Variants in ZNF879 observed in about 807,000 individuals in gnomAD.
ZNF879 encodes zinc finger protein 879.
A neutral mutation model predicts 44.3 loss-of-function variants in ZNF879; 32 were observed. The observed-to-expected ratio is 0.72, with a 90% CI of 0.54 to 0.97. ZNF879 has a LOEUF of 0.97. ZNF879 is among the 50% of genes least tolerant of loss of function. ZNF879 has a pLI of 0.00. For synonymous variants in ZNF879, 234 were observed against 233.2 expected, an observed-to-expected ratio of 1.00 and a Z score of -0.03; for missense variants, 621 against 669.7, an observed-to-expected ratio of 0.93 and a Z score of 0.80.
chr5:179,027,654 CAG>C lies in ZNF879; in HGVS notation c.160+56_160+57del, dbSNP rs373674106. 1,959 of 1,589,004 alleles carry C rather than the reference CAG, an allele frequency of 1.2e-3. 2 individuals are homozygous for C. Among genetic ancestry groups the C allele is most frequent in the Admixed American group, 1.5e-3 (85 of 56,630 alleles). On this transcript the variant is annotated intron_variant, in intron 3 of 4. Coordinates refer to ENST00000444149, the MANE Select transcript of ZNF879 (RefSeq NM_001136116.3). ...TGCCAGGAGAGCACCTTAGCACCCT[CAG>C]GGGGCACATTTGGAGGGCTTGGCCA...
intron 2 of ZNF879, among the ~76,000 whole-genome samples, chr5:179,027,202 C>T (rs1274403998): frequency 4.6e-5 from 7 of 152,114 alleles, no homozygotes; most frequent in Non-Finnish European, 1.0e-4. Context: ...TCTAGGTGAT[C>T]GGACGTTTCC....
chr5:179,027,478 C>T lies in ZNF879; in HGVS notation c.39C>T (p.Ser13=), dbSNP rs377574787. The T allele has an allele frequency of 4.1e-5, 66 of 1,613,922 alleles. No homozygotes were observed. The highest frequency in any genetic ancestry group is 1.6e-4 in the Middle Eastern group (1 of 6,062). The change falls in exon 3 of 5, where the codon TCC becomes TCT. Residue 13 remains serine (S), a synonymous_variant. Coordinates refer to ENST00000444149, the MANE Select transcript of ZNF879 (RefSeq NM_001136116.3). ...GAGTGGGTTTGCCATTCCAGGAGTC[C>T]GTGACGTTCAGGGATGTGGCCGTGT... ...RRLLPAHVQE[S]VTFRDVAVFF...
chr5:179,024,942 G>C (rs1761222670), intron 1 of ZNF879, 28 bp from the exon 2 acceptor site: 9 of 1,530,364 alleles, frequency 5.9e-6, no homozygotes, highest in Non-Finnish European at 8.0e-6. Context: ...TGGATGAAAA[G>C]ACCTCACAGC....
chr5:179,024,739 G>C (rs948723684), intron 1 of ZNF879: 1 of 501,292 alleles, frequency 2.0e-6, no homozygotes, highest in Non-Finnish European at 3.6e-6. Context: ...TCATCCCTTC[G>C]CTCCTTTCGT....
intron 2 of ZNF879, among the ~76,000 whole-genome samples, chr5:179,027,159 C>T (rs1013804388): frequency 2.6e-5 from 4 of 152,216 alleles, no homozygotes; most frequent in African/African-American, 9.6e-5. Flanking sequence ...CGAAACCTGA[C>T]TGTCAGGTGT....
rs760556291 is a variant in ZNF879 at position 179,034,828 on chromosome 5, G to A, written c.*1188G>A. 6.6e-6 allele frequency: 1 copy of A among 152,176 alleles called. No homozygotes were observed. The highest frequency in any genetic ancestry group is 2.4e-5 in the African/African-American group (1 of 41,448). The allele number at this position is 152,176 out of a possible 1,614,324, so 9.4% of individuals were successfully genotyped here. A position where few individuals can be genotyped will look rare whatever the true frequency, so the allele number is the denominator to read the frequency against. On this transcript the variant is annotated 3_prime_UTR_variant, in exon 5 of 5. Transcript: ENST00000444149. ...AGAGGCTAACATCTAGTTTAGCCAA[G>A]TTTATCAGGAGGGGGCAAGCACTTA...
In ZNF879 at chr5:179,031,621, TTGTC is replaced by T. The variant is rs563104757; in HGVS notation, c.257-580_257-577del. Reference sequence around the variant, plus strand: ...CTGCTGTTGATTTGTTACTTGGTCATTGTCTGTATCACACTGCTGGAATGAAAAC... The same window carrying T: ...CTGCTGTTGATTTGTTACTTGGTCATTGTATCACACTGCTGGAATGAAAAC... On this transcript the variant is annotated intron_variant, in intron 4 of 4. Coordinates refer to ENST00000444149, the MANE Select transcript of ZNF879 (RefSeq NM_001136116.3). 4.6e-5 allele frequency among the ~76,000 whole-genome samples: 7 copies of T among 152,382 alleles called. No homozygotes were observed. The South Asian group carries it at 1.5e-3, about 32-fold the overall frequency.
chr5:179,032,142 G>A (rs909933416), intron 4 of ZNF879, 63 bp from the exon 5 acceptor site: 22 of 1,240,310 alleles, frequency 1.8e-5, no homozygotes, highest in Admixed American at 6.2e-5. Flanking sequence ...ATCCTTGTGC[G>A]TTTTTATGTC....
At position 179,025,842 on chromosome 5, in the gene ZNF879, G is replaced by T. The variant is rs184444586; in HGVS notation, c.33+805G>T. On this transcript the variant is annotated intron_variant, in intron 2 of 4. Transcript: ENST00000444149. Reference sequence around the variant, plus strand: ...TGAGGCAGGAGAATCACTTGAACCCGGGAGGCAGGGGTTGAAGCGAGCGGA... The same window carrying T: ...TGAGGCAGGAGAATCACTTGAACCCTGGAGGCAGGGGTTGAAGCGAGCGGA... Among the ~76,000 whole-genome samples, 10 of 152,098 alleles carry T rather than the reference G, an allele frequency of 6.6e-5. No individual in the cohort carries two copies. In the East Asian group the frequency reaches 1.7e-3, roughly 27 times the overall value.
chr5:179,032,734 T>C lies in ZNF879; in HGVS notation c.786T>C (p.Cys262=), dbSNP rs772409905. ...ATACAGGAGAGAAACCTTATATATG[T>C]AGTGAATGTGGAAAAGCCTTCAGTT... ...RVHTGEKPYI[C]SECGKAFSFT... Residue 262 remains cysteine, a synonymous_variant, in exon 5 of 5, where the codon TGT becomes TGC. Coordinates refer to ENST00000444149, the MANE Select transcript of ZNF879 (RefSeq NM_001136116.3). 2.6e-6 allele frequency: 4 copies of C among 1,555,188 alleles called. No individual in the cohort carries two copies. The African/African-American group carries it at 5.5e-5, about 21-fold the overall frequency.
intron 4 of ZNF879, among the ~76,000 whole-genome samples, chr5:179,030,144 C>T (rs1007798559): frequency 6.6e-6 from 1 of 152,160 alleles, no homozygotes; most frequent in African/African-American, 2.4e-5. Context: ...CAATGAAATT[C>T]CAACGAAGCA....
In ZNF879 at chr5:179,032,750, GCCTTCAGTTTCA is replaced by G. The variant is rs1186465106; in HGVS notation, c.805_816del (p.Phe269_Thr272del). The G allele has an allele frequency of 3.2e-6, 5 of 1,554,498 alleles. No homozygotes were observed. Among genetic ancestry groups the G allele is most frequent in the Middle Eastern group, 1.7e-4 (1 of 5,996 alleles). On this transcript the variant is annotated inframe_deletion, in exon 5 of 5. Transcript: ENST00000444149. ...TTATATATGTAGTGAATGTGGAAAA[GCCTTCAGTTTCA>G]CCACATCTCTTATTGGACACCAGAG...
chr5:179,033,530 A>G lies in ZNF879; in HGVS notation c.1582A>G (p.Met528Val), dbSNP rs1761498309. 3.9e-6 allele frequency: 6 copies of G among 1,555,006 alleles called. No individual in the cohort carries two copies. The African/African-American group carries it at 8.2e-5, about 21-fold the overall frequency. Reference sequence around the variant, plus strand: ...AGCCTTCAGACAGAGTTCATCCCTTATGACACACATGAGAATTCATACAGG... The same window carrying G: ...AGCCTTCAGACAGAGTTCATCCCTTGTGACACACATGAGAATTCATACAGG... ...GKAFRQSSSL[M>V]THMRIHTGEK... is the part of the protein sequence containing the mutation. Residue 528 changes from methionine to valine, a missense_variant, in exon 5 of 5, where the codon ATG becomes GTG. Transcript: ENST00000444149.
rs986684948 is a variant in ZNF879, at chr5:179,032,539, C to G, written c.591C>G (p.Val197=). Residue 197 remains valine, a synonymous_variant, in exon 5 of 5, where the codon GTC becomes GTG. Transcript: ENST00000444149. Reference sequence around the variant, plus strand: ...CAGTTCTCTTTAAACAACTGGGGGTCAACACAGTGCGTAAATGTTATAAAT... The same window carrying G: ...CAGTTCTCTTTAAACAACTGGGGGTGAACACAGTGCGTAAATGTTATAAAT... ...QYSVLFKQLG[V]NTVRKCYKCN... 3 of 1,551,676 alleles carry G rather than the reference C, an allele frequency of 1.9e-6. No individual in the cohort carries two copies. The highest frequency in any genetic ancestry group is 1.2e-5 in the South Asian group (1 of 84,052).
chr5:179,027,678 G>T, intron 3 of ZNF879, 79 bp downstream of exon 3: 1 of 1,540,830 alleles, frequency 6.5e-7, no homozygotes, highest in Non-Finnish European at 8.8e-7. Context: ...GGAGGGCTTG[G>T]CCAGGTCGGC....
At chr5:179,026,133 A>G (rs1397417574) in intron 2 of ZNF879, among the ~76,000 whole-genome samples, 4 of 152,076 alleles carry the variant, frequency 2.6e-5, no homozygotes, top group Non-Finnish European at 5.9e-5. Flanking sequence ...TGAAGGAGAT[A>G]AGCTTTGTAC....
intron 4 of ZNF879, among the ~76,000 whole-genome samples, chr5:179,030,618 C>T (rs888592380): frequency 6.6e-6 from 1 of 152,098 alleles, no homozygotes; most frequent in Non-Finnish European, 1.5e-5. Context: ...GCAGAAAATT[C>T]TGGTGAGCTA....
At position 179,033,702 on chromosome 5, in the gene ZNF879, T is replaced by C; in HGVS notation, c.*62T>C. On this transcript the variant is annotated 3_prime_UTR_variant, in exon 5 of 5. Coordinates refer to ENST00000444149, the MANE Select transcript of ZNF879 (RefSeq NM_001136116.3). ...TATTCCATACTGAGTATCAAAAAATTCATTGTGGGGAGAAAGTGATGAAGA... is the reference window on the plus strand; with the variant it reads ...TATTCCATACTGAGTATCAAAAAATCCATTGTGGGGAGAAAGTGATGAAGA... 8.0e-7 allele frequency: 1 copy of C among 1,249,760 alleles called. No homozygotes were observed. The allele number at this position is 1,249,760 out of a possible 1,614,324, so 77.4% of individuals were successfully genotyped here. A position where few individuals can be genotyped will look rare whatever the true frequency, so the allele number is the denominator to read the frequency against.
chr5:179,029,156 C>T (rs982390806), intron 4 of ZNF879, among the ~76,000 whole-genome samples: 7 of 147,882 alleles, frequency 4.7e-5, no homozygotes, highest in African/African-American at 7.6e-5. Flanking sequence ...TGTCTTTGGG[C>T]ATGGAGTGCT....
Sources: gnomAD v4.1 joint callset for allele counts (sites outside exome capture counted in the v4.1 genomes callset) on GRCh38, gnomAD v4.1.1 for gene constraint, MANE v1.5 for transcripts, NCBI Gene and HGNC (gene_info 2026-07-23, HGNC 2026-07-21) for gene names.